The following SLC4A5 variants were observed in gnomAD, a reference collection of about 807,000 sequenced individuals.
SLC4A5 encodes electrogenic sodium bicarbonate cotransporter 4.
In SLC4A5, 96 loss-of-function variants were observed where a neutral mutation model predicts 120.4. That is an observed-to-expected ratio of 0.80 (90% CI 0.68 to 0.94). SLC4A5 has a LOEUF of 0.94. Ranked by LOEUF, SLC4A5 falls within the 40% of genes least tolerant of loss-of-function variation. The probability of loss-of-function intolerance (pLI) is 0.00; values close to 1 mark genes in which losing one functional copy is unlikely to be tolerated. For synonymous variants in SLC4A5, 550 were observed against 571.1 expected (o/e 0.96, Z 0.53); for missense variants, 1,259 against 1,459.5 (o/e 0.86, Z 2.24).
At chr2:74,217,350 G>T (rs972930527) in exon 31 of SLC4A5, 4 of 152,302 alleles carry the variant, frequency 2.6e-5, no homozygotes, top group African/African-American at 7.2e-5. Context: ...AAGATAAAAT[G>T]ACTGATCTTA....
intron 8 of SLC4A5, among the ~76,000 whole-genome samples, chr2:74,272,993 G>GT (rs1388093558): frequency 6.6e-6 from 1 of 152,184 alleles, no homozygotes; most frequent in African/African-American, 2.4e-5. Flanking sequence ...CTGGGCTAGA[G>GT]TAAGTATCAG....
At chr2:74,220,517 CTTTT>C (rs887993475) in intron 30 of SLC4A5, among the ~76,000 whole-genome samples, 1 of 151,388 alleles carries the variant, frequency 6.6e-6, no homozygotes, top group Non-Finnish European at 1.5e-5. Flanking sequence ...TTTCTGTTTT[CTTTT>C]TTTTTCTTTT....
rs1670688729 is a variant in SLC4A5, at chr2:74,248,462, T to C, written c.1678A>G (p.Thr560Ala). 1.9e-6 allele frequency: 3 copies of C among 1,614,028 alleles called. No individual in the cohort carries two copies. The highest frequency in any genetic ancestry group is 1.7e-4 in the Middle Eastern group (1 of 6,060). The change falls in exon 18 of 31, where the codon ACT (threonine) becomes GCT (alanine). Residue 560 changes from threonine to alanine, a missense_variant. By Grantham distance (58) the Thr-to-Ala change is moderately conservative. Coordinates refer to ENST00000394019, the Ensembl canonical transcript of SLC4A5. Reference sequence around the variant, plus strand: ...CAGAACAAGGAGCCAGCCATGGCAGTGCCCAGGAAGCTCTCCATCACTCCC... The same window carrying C: ...CAGAACAAGGAGCCAGCCATGGCAGCGCCCAGGAAGCTCTCCATCACTCCC...
Position 74,253,158 on chromosome 2 carries a change from A to T in SLC4A5, c.1114-30T>A, listed in dbSNP as rs202001754. 1.5e-4 allele frequency: 247 copies of T among 1,613,064 alleles called. 1 individual carries two copies. The African/African-American group carries it at 3.1e-3, about 20-fold the overall frequency. ...CGAGGAGAGAGGAGGGAGAAAAGAA[A>T]GATCGGGTCTGTTTCTGAAATGCCT... On this transcript the variant is annotated intron_variant, in intron 14 of 30. Transcript: ENST00000394019.
chr2:74,341,304 C>CAAAAA (rs757430815), intron 2 of SLC4A5, among the ~76,000 whole-genome samples: 2 of 74,334 alleles, frequency 2.7e-5, no homozygotes, highest in African/African-American at 8.0e-5. Context: ...GACTCCATCT[C>CAAAAA]AAAAAAAAAA....
chr2:74,239,313 C>G (rs368973264), intron 21 of SLC4A5, 22 bp downstream of exon 21: 1 of 1,612,338 alleles, frequency 6.2e-7, no homozygotes, highest in Non-Finnish European at 8.5e-7. Context: ...CAGGTCCCCT[C>G]CTAACTGCAG....
intron 6 of SLC4A5, chr2:74,307,701 T>C: frequency 1.1e-6 from 1 of 877,302 alleles, no homozygotes; most frequent in Non-Finnish European, 1.8e-6. Context: ...CTTCCTGTTA[T>C]CAGTCTCCAG....
intron 7 of SLC4A5, among the ~76,000 whole-genome samples, chr2:74,299,715 A>G (rs1672423446): frequency 6.6e-6 from 1 of 152,236 alleles, no homozygotes. Context: ...AAAGCAAAAG[A>G]TAACTAGTAT....
At chr2:74,319,617 AAAC>A (rs1232188681) in intron 5 of SLC4A5, 1 of 152,078 alleles carries the variant, frequency 6.6e-6, no homozygotes, top group Non-Finnish European at 1.5e-5. Flanking sequence ...GGCCTAGTTA[AAAC>A]TTCCCCTCCC....
intron 8 of SLC4A5, among the ~76,000 whole-genome samples, chr2:74,282,331 G>C (rs1258673559): frequency 6.6e-6 from 1 of 152,252 alleles, no homozygotes; most frequent in African/African-American, 2.4e-5. Flanking sequence ...ACATTTTCCT[G>C]TCCGCAAGCT....
chr2:74,294,144 G>A (rs1011603329), intron 7 of SLC4A5, among the ~76,000 whole-genome samples: 1 of 152,144 alleles, frequency 6.6e-6, no homozygotes, highest in African/African-American at 2.4e-5. Context: ...AAGTATGTTG[G>A]GGGTCAGGGG....
intron 8 of SLC4A5, among the ~76,000 whole-genome samples, chr2:74,268,403 G>C (rs542227355): frequency 6.6e-6 from 1 of 152,168 alleles, no homozygotes; most frequent in Non-Finnish European, 1.5e-5. Context: ...AGGACCTTAA[G>C]GGTATAGTAT....
chr2:74,247,306 C>G, exon 19 of SLC4A5: 1 of 1,610,792 alleles, frequency 6.2e-7, no homozygotes, highest in Non-Finnish European at 8.5e-7. Flanking sequence ...AGGCCATTGC[C>G]TCTGGAAGGC....
chr2:74,218,703 A>G (rs1046278642), exon 31 of SLC4A5: 2 of 152,648 alleles, frequency 1.3e-5, no homozygotes, highest in African/African-American at 2.4e-5. Context: ...CTCCATCTCT[A>G]TCTTCACCTG....
chr2:74,231,021 G>A (rs1032273689), intron 25 of SLC4A5, among the ~76,000 whole-genome samples: 5 of 152,026 alleles, frequency 3.3e-5, no homozygotes, highest in African/African-American at 1.2e-4. Context: ...TGGTCAGGCT[G>A]GTCTTGAACT....
intron 6 of SLC4A5, among the ~76,000 whole-genome samples, chr2:74,309,942 A>G (rs1376900756): frequency 2.0e-5 from 3 of 152,088 alleles, no homozygotes; most frequent in Non-Finnish European, 2.9e-5. Flanking sequence ...GATTACAGGC[A>G]TGAGCCACCG....
At chr2:74,244,495 C>T (rs55890106) in intron 19 of SLC4A5, among the ~76,000 whole-genome samples, 11 of 71,012 alleles carry the variant, frequency 1.5e-4, no homozygotes, top group African/African-American at 2.9e-4. Flanking sequence ...TTTCTCTCTC[C>T]CTTCCTTCTT....
intron 6 of SLC4A5, among the ~76,000 whole-genome samples, chr2:74,311,624 T>C (rs1189059143): frequency 3.3e-5 from 5 of 152,204 alleles, no homozygotes; most frequent in Admixed American, 3.3e-4. Context: ...GTAATCTTTC[T>C]GTTATTGATT....
rs573951119 is a variant in SLC4A5 at position 74,282,620 on chromosome 2, C to A, written c.401+3153G>T. Among the ~76,000 whole-genome samples, 4 of 152,318 alleles carry A rather than the reference C, an allele frequency of 2.6e-5. No individual in the cohort carries two copies. The East Asian group carries it at 5.8e-4, about 22-fold the overall frequency. On this transcript the variant is annotated intron_variant, in intron 8 of 30. Transcript: ENST00000394019. Reference sequence around the variant, plus strand: ...CAGTTTCTTGGTTCCTTCACTGGGTCTGGAGTGCAGAGGGCTTTGTGAATC... The same window carrying A: ...CAGTTTCTTGGTTCCTTCACTGGGTATGGAGTGCAGAGGGCTTTGTGAATC...
Sources: allele counts gnomAD v4.1 joint callset (sites outside exome capture counted in the v4.1 genomes callset), GRCh38; gene constraint gnomAD v4.1.1; transcripts MANE v1.5; gene names NCBI Gene and HGNC (gene_info 2026-07-23, HGNC 2026-07-21).